CLIP2: variants seen among roughly 807,000 people sequenced by gnomAD.
The protein encoded by CLIP2 is CAP-Gly domain-containing linker protein 2.
CLIP2 carries 41 observed loss-of-function variants against 111.7 expected under a neutral mutation model. The observed-to-expected ratio is 0.37, with a 90% CI of 0.29 to 0.48. The LOEUF is 0.48. Among genes scored for constraint, CLIP2 ranks in the 20% least tolerant of loss-of-function variants. The pLI, the probability that CLIP2 is intolerant of heterozygous loss-of-function variation, is 0.99. For synonymous variants in CLIP2, 660 were observed against 644.2 expected (o/e 1.02, Z -0.37); for missense variants, 1,160 against 1,422.1 (o/e 0.82, Z 2.96).
At chr7:74,380,070 A>T (rs1485283251) in intron 10 of CLIP2, 1 of 152,224 alleles carries the variant, frequency 6.6e-6, no homozygotes, top group African/African-American at 2.4e-5. Flanking sequence ...ATGTATGAAC[A>T]GAAGTATGAG....
At chr7:74,362,820 C>A (rs751134265) in intron 7 of CLIP2, among the ~76,000 whole-genome samples, 4 of 152,244 alleles carry the variant, frequency 2.6e-5, no homozygotes, top group Non-Finnish European at 5.9e-5. Context: ...TAGGCAGGAG[C>A]CACTGTGCTC....
At chr7:74,335,264 C>A (rs1343510241) in intron 2 of CLIP2, among the ~76,000 whole-genome samples, 1 of 102,116 alleles carries the variant, frequency 9.8e-6, no homozygotes, top group Admixed American at 1.2e-4. Context: ...GAGCGAGACT[C>A]CATCTCAAAA....
chr7:74,384,333 C>T (rs1423649226), intron 11 of CLIP2, among the ~76,000 whole-genome samples: 1 of 151,842 alleles, frequency 6.6e-6, no homozygotes, highest in Non-Finnish European at 1.5e-5. Flanking sequence ...TACCTTTTGG[C>T]TATTGTGAAT....
At chr7:74,339,114 G>T in intron 3 of CLIP2, 110 bp downstream of exon 3, 1 of 1,029,010 alleles carries the variant, frequency 9.7e-7, no homozygotes, top group Non-Finnish European at 1.4e-6. Context: ...GGACTCGAAG[G>T]GGGCTCGGAC....
chr7:74,368,212 T>C (rs1421032990), intron 8 of CLIP2, among the ~76,000 whole-genome samples: 1 of 151,774 alleles, frequency 6.6e-6, no homozygotes, highest in Admixed American at 6.6e-5. Flanking sequence ...GAGCAAGACC[T>C]TGTCTCAAAA....
chr7:74,318,225 T>C (rs1355652593), intron 2 of CLIP2, among the ~76,000 whole-genome samples: 3 of 151,588 alleles, frequency 2.0e-5, no homozygotes, highest in African/African-American at 4.8e-5. Context: ...AGGAGCGTCA[T>C]GCGTACAGAA....
chr7:74,320,620 C>T (rs1320115956), intron 2 of CLIP2, among the ~76,000 whole-genome samples: 3 of 152,024 alleles, frequency 2.0e-5, no homozygotes, highest in East Asian at 3.8e-4. Context: ...GTGCAGAGAA[C>T]GGATTGTAGG....
intron 2 of CLIP2, 26 bp downstream of exon 2, chr7:74,317,693 G>T (rs1554729329): frequency 1.3e-5 from 19 of 1,420,030 alleles, no homozygotes; most frequent in East Asian, 2.7e-5. Flanking sequence ...AGGATGGGGG[G>T]TGAGGGGACT....
Position 74,376,924 on chromosome 7 carries a change from C to T in CLIP2, c.2421+102C>T. ...CAGCCCAGGAAGCATTTCCCTTGTC[C>T]CCGAGAGCATGCCTGGGGCAGTCAA... On this transcript the variant is annotated intron_variant, in intron 10 of 16. Coordinates refer to ENST00000223398, the MANE Select transcript of CLIP2 (RefSeq NM_003388.5). This position sits in a 1 kb window ranked among gnomAD's most constrained non-coding sequence, Gnocchi z 7.1. 8.4e-7 allele frequency: 1 copy of T among 1,188,450 alleles called. No homozygotes were observed. The highest frequency in any genetic ancestry group is 1.1e-6 in the Non-Finnish European group (1 of 872,432). The allele number at this position is 1,188,450 out of a possible 1,614,324, so 73.6% of individuals were successfully genotyped here.
At chr7:74,365,701 C>T (rs1554310717) in intron 8 of CLIP2, among the ~76,000 whole-genome samples, 1 of 152,180 alleles carries the variant, frequency 6.6e-6, no homozygotes, top group Non-Finnish European at 1.5e-5. Flanking sequence ...TGATCATATT[C>T]ATGGCAACCA....
Position 74,341,734 on chromosome 7 carries a change from G to T in CLIP2, c.678+2730G>T, listed in dbSNP as rs191880640. 7.9e-5 allele frequency among the ~76,000 whole-genome samples: 12 copies of T among 152,176 alleles called. No homozygotes were observed. In the South Asian group the frequency reaches 1.5e-3, roughly 18 times the overall value. On this transcript the variant is annotated intron_variant, in intron 3 of 16. Coordinates refer to ENST00000223398, the MANE Select transcript of CLIP2 (RefSeq NM_003388.5). ...AGCCTCCCAAGAAGCTGGGACTACA[G>T]GCCCATGCCACCATACCTGGCACCA...
intron 3 of CLIP2, among the ~76,000 whole-genome samples, chr7:74,346,718 CAAAAAAAAAAAA>C (rs1214324954): frequency 3.6e-5 from 2 of 56,032 alleles, no homozygotes; most frequent in African/African-American, 8.1e-5. Flanking sequence ...GTAAGATTCT[CAAAAAAAAAAAA>C]AAAAAAAAAA....
At chr7:74,354,899 C>G (rs1397821327) in intron 4 of CLIP2, among the ~76,000 whole-genome samples, 4 of 152,218 alleles carry the variant, frequency 2.6e-5, no homozygotes, top group African/African-American at 9.6e-5. Context: ...TGGCCAGAGG[C>G]AGGCCTCACA....
At chr7:74,335,229 C>G (rs1451447108) in intron 2 of CLIP2, among the ~76,000 whole-genome samples, 4 of 132,472 alleles carry the variant, frequency 3.0e-5, no homozygotes, top group Non-Finnish European at 6.2e-5. Context: ...CGAGATTGCA[C>G]AAGTGTACTC....
At chr7:74,358,051 GTT>G (rs782071365) in intron 6 of CLIP2, among the ~76,000 whole-genome samples, 11 of 111,336 alleles carry the variant, frequency 9.9e-5, no homozygotes, top group Non-Finnish European at 1.3e-4. Context: ...CACTGCAAGG[GTT>G]TTTTTTTTTT....
chr7:74,389,636 C>A (rs1031824918), intron 13 of CLIP2, among the ~76,000 whole-genome samples: 2 of 148,484 alleles, frequency 1.3e-5, no homozygotes, highest in African/African-American at 2.5e-5. Flanking sequence ...CAGTGGCTCA[C>A]ACCTGTAATC....
At chr7:74,389,046 G>C in intron 12 of CLIP2, 57 bp from the exon 13 acceptor site, 1 of 1,547,762 alleles carries the variant, frequency 6.5e-7, no homozygotes, top group Non-Finnish European at 8.7e-7. Flanking sequence ...CCTTGGGTGG[G>C]ACAGAAGCTC....
At chr7:74,305,979 C>T (rs1282454782) in intron 1 of CLIP2, among the ~76,000 whole-genome samples, 1 of 151,940 alleles carries the variant, frequency 6.6e-6, no homozygotes, top group Non-Finnish European at 1.5e-5. Flanking sequence ...CCCTCATCCC[C>T]TCAGCCTGAT....
rs782023262 is a variant in CLIP2 at position 74,400,350 on chromosome 7, C to T, written c.2881-20C>T. On this transcript the variant is annotated intron_variant, in intron 14 of 16. Transcript: ENST00000223398. ...ACACACGCACACTCATGTACTCTTC[C>T]ACTCTCCTGCCACTTCCAGGACAAA... 2 of 1,588,840 alleles carry T rather than the reference C, an allele frequency of 1.3e-6. No homozygotes were observed. The highest frequency in any genetic ancestry group is 1.7e-6 in the Non-Finnish European group (2 of 1,164,316).
Sources: allele counts gnomAD v4.1 joint callset (sites outside exome capture counted in the v4.1 genomes callset), GRCh38; gene constraint gnomAD v4.1.1; non-coding constraint Gnocchi (gnomAD v3.1); transcripts MANE v1.5; gene names NCBI Gene and HGNC (gene_info 2026-07-23, HGNC 2026-07-21).